FHIT: variants seen among roughly 807,000 people sequenced by gnomAD.
The protein encoded by FHIT is bis(5'-adenosyl)-triphosphatase.
Under a neutral mutation model 17.9 loss-of-function variants are expected in FHIT, and 19 were observed. The ratio of observed to expected loss-of-function variants is 1.06; its 90% CI spans 0.74 to 1.56. The LOEUF is 1.56. Ranked by LOEUF, FHIT falls within the 40% of genes most tolerant of loss-of-function variation. The pLI is 0.00. For missense variants in FHIT, 248 were observed against 189.2 expected (o/e 1.31, Z -1.82); for synonymous variants, 81 against 69.7 (o/e 1.16, Z -0.81).
intron 5 of FHIT, among the ~76,000 whole-genome samples, chr3:60,175,019 C>T (rs1432048229): frequency 6.6e-6 from 1 of 152,140 alleles, no homozygotes; most frequent in East Asian, 1.9e-4. Flanking sequence ...GATTAAACCA[C>T]CATAAAATCC....
chr3:60,988,096 C>T (rs578088355), intron 3 of FHIT, among the ~76,000 whole-genome samples: 11 of 152,288 alleles, frequency 7.2e-5, no homozygotes, highest in African/African-American at 2.6e-4. Context: ...GTATATTAAA[C>T]AGTTACTGCT....
chr3:61,005,594 A>C (rs923026382), intron 3 of FHIT, among the ~76,000 whole-genome samples: 3 of 152,200 alleles, frequency 2.0e-5, no homozygotes, highest in African/African-American at 7.2e-5. Context: ...ATATAGTTGA[A>C]GTAGTGGAAC....
chr3:59,972,645 A>G (rs756947556), intron 7 of FHIT, among the ~76,000 whole-genome samples: 2 of 152,062 alleles, frequency 1.3e-5, no homozygotes, highest in Admixed American at 6.6e-5. Flanking sequence ...TCCAAGTCCT[A>G]TGAGTTCACA....
intron 8 of FHIT, among the ~76,000 whole-genome samples, chr3:59,903,240 T>C (rs1051785297): frequency 5.3e-5 from 8 of 151,922 alleles, no homozygotes; most frequent in African/African-American, 1.5e-4. Flanking sequence ...AACAGGCAAA[T>C]AGAGACAGAA....
intron 2 of FHIT, among the ~76,000 whole-genome samples, chr3:61,113,392 T>C (rs939159042): frequency 2.6e-5 from 4 of 152,306 alleles, no homozygotes; most frequent in East Asian, 3.9e-4. Context: ...AGAGTTATAT[T>C]ATACAATATA....
At chr3:61,174,419 A>G (rs2038097072) in intron 2 of FHIT, among the ~76,000 whole-genome samples, 1 of 152,256 alleles carries the variant, frequency 6.6e-6, no homozygotes, top group South Asian at 2.1e-4. Context: ...TTAAATTTCT[A>G]AATAAATAGG....
In FHIT at chr3:59,864,685, A is replaced by G. The variant is rs376234851; in HGVS notation, c.348+57661T>C. 5.3e-5 allele frequency among the ~76,000 whole-genome samples: 8 copies of G among 151,798 alleles called. No individual in the cohort carries two copies. The East Asian group carries it at 5.8e-4, about 11-fold the overall frequency. On this transcript the variant is annotated intron_variant, in intron 8 of 9. Transcript: ENST00000492590. ...GTTCTCATGAACTGGTGTTCATGTC[A>G]TACCCTCATGCATGCATTACCCTCT...
At chr3:60,704,012 G>T (rs79428005) in intron 4 of FHIT, among the ~76,000 whole-genome samples, 2 of 151,770 alleles carry the variant, frequency 1.3e-5, no homozygotes, top group Admixed American at 6.6e-5. Context: ...AAATCTAGCC[G>T]TACCAGTATT....
intron 4 of FHIT, among the ~76,000 whole-genome samples, chr3:60,650,453 A>C (rs532170978): frequency 1.3e-5 from 2 of 152,288 alleles, no homozygotes; most frequent in African/African-American, 4.8e-5. Flanking sequence ...TCCACTGTTT[A>C]TCACTTCAGC....
At chr3:60,633,980 T>G (rs190602215) in intron 4 of FHIT, among the ~76,000 whole-genome samples, 2 of 152,230 alleles carry the variant, frequency 1.3e-5, no homozygotes, top group Non-Finnish European at 1.5e-5. Flanking sequence ...GTTTCCAGGT[T>G]TTAAACAATT....
At chr3:59,965,719 T>C (rs1707895498) in intron 7 of FHIT, among the ~76,000 whole-genome samples, 1 of 152,190 alleles carries the variant, frequency 6.6e-6, no homozygotes, top group South Asian at 2.1e-4. Flanking sequence ...TTAAGCCCAA[T>C]TTCTAGCCTA....
intron 5 of FHIT, among the ~76,000 whole-genome samples, chr3:60,258,085 C>CAA (rs1706101968): frequency 1.3e-5 from 2 of 148,810 alleles, no homozygotes; most frequent in Admixed American, 1.4e-4. Flanking sequence ...CACACACACA[C>CAA]ACACACACAC....
rs377694969 is a variant in FHIT, at chr3:60,348,187, ATGTT to A, written c.103+188669_103+188672del. On this transcript the variant is annotated intron_variant, in intron 5 of 9. Coordinates refer to ENST00000492590, the MANE Select transcript of FHIT (RefSeq NM_002012.4). ...TCTAACCACACCTAAGAATTGACAA[ATGTT>A]TGTTTAACAAATCAATGGATGAATA... 4.1e-3 allele frequency among the ~76,000 whole-genome samples: 617 copies of A among 152,344 alleles called. 2 individuals are homozygous for A. The highest frequency in any genetic ancestry group is 0.023 in the South Asian group (109 of 4,830).
intron 5 of FHIT, among the ~76,000 whole-genome samples, chr3:60,489,250 C>A (rs1037232356): frequency 2.0e-5 from 3 of 152,084 alleles, no homozygotes; most frequent in African/African-American, 4.8e-5. Flanking sequence ...AAAAATCCAG[C>A]TCAAGTTGCA....
chr3:59,831,503 G>A (rs1287075257), intron 8 of FHIT, among the ~76,000 whole-genome samples: 3 of 152,080 alleles, frequency 2.0e-5, no homozygotes, highest in East Asian at 3.9e-4. Flanking sequence ...TTTGACTTCC[G>A]AGCCTGTGCC....
intron 4 of FHIT, among the ~76,000 whole-genome samples, chr3:60,566,555 G>T (rs993288573): frequency 6.6e-6 from 1 of 152,080 alleles, no homozygotes; most frequent in Non-Finnish European, 1.5e-5. Context: ...GCACAAGACA[G>T]GGATGCCCTC....
chr3:59,829,842 GA>G (rs1701105389), intron 8 of FHIT, among the ~76,000 whole-genome samples: 1 of 152,080 alleles, frequency 6.6e-6, no homozygotes, highest in Non-Finnish European at 1.5e-5. Flanking sequence ...GAGTTTGTAA[GA>G]AAATTGGCCC....
chr3:60,729,437 T>G (rs1553710568), intron 4 of FHIT, among the ~76,000 whole-genome samples: 2 of 152,146 alleles, frequency 1.3e-5, no homozygotes, highest in Non-Finnish European at 2.9e-5. Flanking sequence ...TAAGGTACAA[T>G]GTAAAATGTA....
chr3:60,707,718 T>G (rs2041410229), intron 4 of FHIT, among the ~76,000 whole-genome samples: 1 of 152,136 alleles, frequency 6.6e-6, no homozygotes, highest in Admixed American at 6.5e-5. Context: ...TTTTATCCTA[T>G]CAGATTAGAA....
Sources: allele counts gnomAD v4.1 joint callset (sites outside exome capture counted in the v4.1 genomes callset), GRCh38; gene constraint gnomAD v4.1.1; transcripts MANE v1.5; gene names NCBI Gene and HGNC (gene_info 2026-07-23, HGNC 2026-07-21).